Variants in ACOX2 observed in about 807,000 individuals in gnomAD.
ACOX2 encodes acyl-CoA oxidase 2, also known as peroxisomal acyl-coenzyme A oxidase 2.
In ACOX2, 59 loss-of-function variants were observed where a neutral mutation model predicts 77.5. The ratio of observed to expected loss-of-function variants is 0.76; its 90% confidence interval spans 0.62 to 0.95. ACOX2 has a LOEUF of 0.95. Ranked by LOEUF, ACOX2 falls within the 40% of genes least tolerant of loss-of-function variation. ACOX2 has a pLI of 0.00. For synonymous variants in ACOX2, 317 were observed against 340.1 expected (o/e 0.93, Z 0.75); for missense variants, 837 against 880.4 (o/e 0.95, Z 0.62).
At chr3:58,536,581 G>A (rs982985694) in intron 1 of ACOX2, among the ~76,000 whole-genome samples, 4 of 152,130 alleles carry the variant, frequency 2.6e-5, no homozygotes, top group Non-Finnish European at 2.9e-5. Flanking sequence ...CCCCTAGTGC[G>A]GCTCCTCTCG....
rs1405135091 is a variant in ACOX2, at chr3:58,528,722, G to C, written c.1155+72C>G. ...TGCCCATGGGGATGGGGCTGTGGCTGCTCCCCAGTGAGTGGAACAATCTTA... is the reference window on the plus strand; with the variant it reads ...TGCCCATGGGGATGGGGCTGTGGCTCCTCCCCAGTGAGTGGAACAATCTTA... On this transcript the variant is annotated intron_variant, in intron 9 of 14. Transcript: ENST00000302819. The surrounding 1 kb of genome is among the most constrained non-coding windows in gnomAD (Gnocchi z 5.6). The C allele has an allele frequency of 6.7e-7, 1 of 1,483,656 alleles. No homozygotes were observed. The highest frequency in any genetic ancestry group is 9.0e-7 in the Non-Finnish European group (1 of 1,114,792). 91.9% of individuals were successfully genotyped at this position (1,483,656 alleles called of 1,614,324 possible).
In ACOX2 at chr3:58,524,790, C is replaced by T. The variant is rs191147614; in HGVS notation, c.1347-185G>A. On this transcript the variant is annotated intron_variant, in intron 10 of 14. Transcript: ENST00000302819. This position sits in a 1 kb window ranked among gnomAD's most constrained non-coding sequence, Gnocchi z 5.5. ...CCCTCGGGCCGTCCTGCCTCGAGGC[C>T]CTCAGTCAGGCATATCCCAGGACCT... Among the ~76,000 whole-genome samples the T allele has an allele frequency of 6.2e-4, 95 of 152,248 alleles. 2 individuals are homozygous for T. The South Asian group carries it at 0.018, about 30-fold the overall frequency.
Position 58,523,549 on chromosome 3 carries a change from A to G in ACOX2, c.1526+877T>C, listed in dbSNP as rs2063374085. Among the ~76,000 whole-genome samples the G allele has an allele frequency of 6.6e-6, 1 of 152,172 alleles. No individual in the cohort carries two copies. Among genetic ancestry groups the G allele is most frequent in the African/African-American group, 2.4e-5 (1 of 41,442 alleles). ...CACAGGTTGGGATATAAGACCTCTTATTATATACTGAAAATATGTTTTTCC... is the reference window on the plus strand; with the variant it reads ...CACAGGTTGGGATATAAGACCTCTTGTTATATACTGAAAATATGTTTTTCC... On this transcript the variant is annotated intron_variant, in intron 11 of 14. Coordinates refer to ENST00000302819, the MANE Select transcript of ACOX2 (RefSeq NM_003500.4). This position sits in a 1 kb window ranked among gnomAD's most constrained non-coding sequence, Gnocchi z 5.3.
At chr3:58,527,901 C>T (rs1265043192) in intron 9 of ACOX2, among the ~76,000 whole-genome samples, 1 of 150,208 alleles carries the variant, frequency 6.7e-6, no homozygotes, top group Non-Finnish European at 1.5e-5. Flanking sequence ...GGGGTCTCAC[C>T]ATCTTGCTCA....
chr3:58,514,094 C>T lies in ACOX2; in HGVS notation c.1850+3112G>A, dbSNP rs1460855031. ...CAACTATACCTGATGCTCCCTAGTC[C>T]ACAGATCCTCTATTTACCCTTCTGC... On this transcript the variant is annotated intron_variant, in intron 13 of 14. Transcript: ENST00000302819. The surrounding 1 kb of genome is among the most constrained non-coding windows in gnomAD (Gnocchi z 4.3). 6.6e-6 allele frequency among the ~76,000 whole-genome samples: 1 copy of T among 152,124 alleles called. No individual in the cohort carries two copies. Among genetic ancestry groups the T allele is most frequent in the East Asian group, 1.9e-4 (1 of 5,188 alleles).
chr3:58,523,653 T>G lies in ACOX2; in HGVS notation c.1526+773A>C, dbSNP rs2063374796. ...TGGTAGAGGTGGGGTTTCACCATGT[T>G]GCCGAAGCTGGTCTCAAACTCCTGA... is the stretch of plus-strand genomic sequence containing the variant. On this transcript the variant is annotated intron_variant, in intron 11 of 14. Transcript: ENST00000302819. The surrounding 1 kb of genome is among the most constrained non-coding windows in gnomAD (Gnocchi z 5.3). Among the ~76,000 whole-genome samples the G allele has an allele frequency of 1.3e-5, 2 of 152,162 alleles. No homozygotes were observed. Among genetic ancestry groups the G allele is most frequent in the Admixed American group, 1.3e-4 (2 of 15,272 alleles).
intron 12 of ACOX2, among the ~76,000 whole-genome samples, chr3:58,520,083 C>T (rs2063348645): frequency 6.6e-6 from 1 of 152,212 alleles, no homozygotes; most frequent in South Asian, 2.1e-4. Flanking sequence ...GCACAGTGAA[C>T]ATTATTTACA....
Position 58,534,810 on chromosome 3 carries a change from C to A in ACOX2, c.160+137G>T, listed in dbSNP as rs902675536. ...ACATGTGAAGATTGTCTTTACAGTT[C>A]GAAGGAATGAATCTCTAACAGTGGA... On this transcript the variant is annotated intron_variant, in intron 2 of 14. Coordinates refer to ENST00000302819, the MANE Select transcript of ACOX2 (RefSeq NM_003500.4). This position sits in a 1 kb window ranked among gnomAD's most constrained non-coding sequence, Gnocchi z 4.8. 2.8e-6 allele frequency: 4 copies of A among 1,443,610 alleles called. No individual in the cohort carries two copies. Among genetic ancestry groups the A allele is most frequent in the African/African-American group, 2.8e-5 (2 of 71,500 alleles). 89.4% of individuals were successfully genotyped at this position (1,443,610 alleles called of 1,614,324 possible).
At chr3:58,510,621 A>G in intron 13 of ACOX2, among the ~76,000 whole-genome samples, 1 of 114,766 alleles carries the variant, frequency 8.7e-6, no homozygotes, top group Non-Finnish European at 1.7e-5. Context: ...CAACAGAGCA[A>G]GACTCCCGCT....
chr3:58,531,543 C>T lies in ACOX2; in HGVS notation c.703+150G>A. ...TAAATCTTGCTCAAGTTCACCTAGC[C>T]AGTTAGCACCAAGTCTGTCCAACTG... On this transcript the variant is annotated intron_variant, in intron 6 of 14. Transcript: ENST00000302819. This position sits in a 1 kb window ranked among gnomAD's most constrained non-coding sequence, Gnocchi z 5.8. 3.8e-6 allele frequency: 5 copies of T among 1,333,318 alleles called. No individual in the cohort carries two copies. The highest frequency in any genetic ancestry group is 5.2e-6 in the Non-Finnish European group (5 of 970,008). The allele number at this position is 1,333,318 out of a possible 1,614,324, so 82.6% of individuals were successfully genotyped here.
chr3:58,509,879 T>G (rs1272290626), intron 13 of ACOX2, among the ~76,000 whole-genome samples: 3 of 152,152 alleles, frequency 2.0e-5, no homozygotes, highest in Non-Finnish European at 4.4e-5. Flanking sequence ...GTGCTGAGAT[T>G]ACAAGCATGA....
chr3:58,534,090 T>C lies in ACOX2; in HGVS notation c.379A>G (p.Arg127Gly). 2 of 1,614,216 alleles carry C rather than the reference T, an allele frequency of 1.2e-6. No individual in the cohort carries two copies. The highest frequency in any genetic ancestry group is 1.7e-6 in the Non-Finnish European group (2 of 1,180,028). ...ATCTGCTCCTCTGAGCCCAGGCTCC[T>C]GAGGGCTCTCACGAAGACTCTGTGT... ...NIHRVFVRALRSLGSEEQIAK... is the reference protein window; with the variant it reads ...NIHRVFVRALGSLGSEEQIAK... Residue 127 changes from arginine (R) to glycine (G), a missense_variant, in exon 4 of 15, where the codon AGG (arginine) becomes GGG (glycine). Arg to Gly is a moderately radical substitution (Grantham distance 125). Transcript: ENST00000302819. This position sits in a 1 kb window ranked among gnomAD's most constrained non-coding sequence, Gnocchi z 4.8.
intron 13 of ACOX2, among the ~76,000 whole-genome samples, chr3:58,509,630 T>TTGTG (rs1480043871): frequency 8.0e-6 from 1 of 125,694 alleles, no homozygotes; most frequent in African/African-American, 3.0e-5. Flanking sequence ...TTTTTTTTGA[T>TTGTG]ACAGAGTCTC....
chr3:58,529,033 C>G (rs2063417712), intron 8 of ACOX2, 77 bp from the exon 9 acceptor site: 2 of 1,440,706 alleles, frequency 1.4e-6, no homozygotes, highest in South Asian at 3.1e-5. Flanking sequence ...ACCATAAAAA[C>G]CTTAAAAACA....
chr3:58,527,024 A>G (rs1205812052), intron 9 of ACOX2, among the ~76,000 whole-genome samples: 1 of 152,138 alleles, frequency 6.6e-6, no homozygotes, highest in African/African-American at 2.4e-5. Context: ...CTGTAAGCCC[A>G]CTTACTGGGT....
At position 58,535,142 on chromosome 3, in the gene ACOX2, A is replaced by C; in HGVS notation, c.-36T>G. On this transcript the variant is annotated 5_prime_UTR_variant, in exon 2 of 15. Transcript: ENST00000302819. The surrounding 1 kb of genome is among the most constrained non-coding windows in gnomAD (Gnocchi z 4.8). ...ATCTGTCTGGTGACTATGGAGAGAC[A>C]CTTCCAACCCGGCTGCTCCGAGGGT... is the stretch of plus-strand genomic sequence containing the variant. The C allele has an allele frequency of 6.2e-7, 1 of 1,613,748 alleles. No homozygotes were observed. The highest frequency in any genetic ancestry group is 8.5e-7 in the Non-Finnish European group (1 of 1,179,742).
rs1226179961 is a variant in ACOX2 at position 58,531,360 on chromosome 3, A to T, written c.710T>A (p.Ile237Asn). 1 of 1,613,614 alleles carries T rather than the reference A, an allele frequency of 6.2e-7. No individual in the cohort carries two copies. Residue 237 changes from isoleucine (I) to asparagine (N), a missense_variant, in exon 7 of 15, where the codon ATC becomes AAC. Physicochemically the swap from Ile to Asn is moderately radical, Grantham distance 149 (BLOSUM62 -3). Coordinates refer to ENST00000302819, the MANE Select transcript of ACOX2 (RefSeq NM_003500.4). This position sits in a 1 kb window ranked among gnomAD's most constrained non-coding sequence, Gnocchi z 5.8. Reference sequence around the variant, plus strand: ...CATCTTGGGTCCGATGTCCCCAATGATGATTCCTTGAAGGAGATGGAGATG... The same window carrying T: ...CATCTTGGGTCCGATGTCCCCAATGTTGATTCCTTGAAGGAGATGGAGATG... Reference protein sequence around the residue: ...LQDHTPLPGIIIGDIGPKMDF... With the variant: ...LQDHTPLPGINIGDIGPKMDF...
rs1452801983 is a variant in ACOX2 at position 58,505,319 on chromosome 3, G to C, written c.1984-33C>G. The C allele has an allele frequency of 3.9e-6, 6 of 1,539,650 alleles. No homozygotes were observed. Among genetic ancestry groups the C allele is most frequent in the Non-Finnish European group, 5.3e-6 (6 of 1,127,342 alleles). Reference sequence around the variant, plus strand: ...TAGAAAGAAACGCATTATTAACACAGTACATTTCTGCCAGGATTAATGACT... The same window carrying C: ...TAGAAAGAAACGCATTATTAACACACTACATTTCTGCCAGGATTAATGACT... On this transcript the variant is annotated intron_variant, in intron 14 of 14. Transcript: ENST00000302819. This position sits in a 1 kb window ranked among gnomAD's most constrained non-coding sequence, Gnocchi z 4.4.
Position 58,533,544 on chromosome 3 carries a change from G to A in ACOX2, c.484C>T (p.Leu162Phe), listed in dbSNP as rs143801474. ...GTGGCTTCAGTCTCCAGGCCCTGAA[G>A]ATATGTCCCTTAGGATCAAGGAGAG... ...AQTELGHGTY[L>F]QGLETEATYD... Residue 162 changes from leucine (L) to phenylalanine (F), a missense_variant, in exon 5 of 15, where the codon CTT (leucine) becomes TTT (phenylalanine). Leu to Phe is a conservative substitution (Grantham distance 22). Transcript: ENST00000302819. The surrounding 1 kb of genome is among the most constrained non-coding windows in gnomAD (Gnocchi z 5.6). 6.8e-6 allele frequency: 11 copies of A among 1,613,968 alleles called. No individual in the cohort carries two copies. Among genetic ancestry groups the A allele is most frequent in the Middle Eastern group, 1.6e-4 (1 of 6,082 alleles).
Sources: gnomAD v4.1 joint callset for allele counts (sites outside exome capture counted in the v4.1 genomes callset) on GRCh38, gnomAD v4.1.1 for gene constraint, Gnocchi (gnomAD v3.1) non-coding constraint, MANE v1.5 for transcripts, NCBI Gene and HGNC (gene_info 2026-07-23, HGNC 2026-07-21) for gene names.